The following LRP1B variants were observed in gnomAD, a reference collection of about 807,000 sequenced individuals.
The protein encoded by LRP1B is LDL receptor related protein 1B, also known as low-density lipoprotein receptor-related protein 1B.
Under a neutral mutation model 556.6 loss-of-function variants are expected in LRP1B, and 217 were observed. The observed-to-expected ratio is 0.39, with a 90% confidence interval of 0.35 to 0.44. The LOEUF is 0.44. Among genes scored for constraint, LRP1B ranks in the 20% least tolerant of loss-of-function variants. The probability of loss-of-function intolerance (pLI) is 1.00; values close to 1 mark genes in which losing one functional copy is unlikely to be tolerated. For synonymous variants in LRP1B, 2,047 were observed against 1,865.8 expected, an observed-to-expected ratio of 1.10 and a Z score of -2.50; for missense variants, 5,053 against 5,620.8, an observed-to-expected ratio of 0.90 and a Z score of 3.23.
intron 1 of LRP1B, among the ~76,000 whole-genome samples, chr2:142,005,461 T>A (rs1702772510): frequency 6.6e-6 from 1 of 152,180 alleles, no homozygotes; most frequent in Non-Finnish European, 1.5e-5. Flanking sequence ...TCTACTTTTA[T>A]TGGCAGTATA....
chr2:142,082,650 T>C (rs558777636), intron 1 of LRP1B, among the ~76,000 whole-genome samples: 2 of 152,334 alleles, frequency 1.3e-5, no homozygotes, highest in South Asian at 2.1e-4. Context: ...GCATCAGGCC[T>C]GTGACACCAG....
chr2:142,126,834 G>A (rs541586396), intron 1 of LRP1B, among the ~76,000 whole-genome samples: 120 of 151,830 alleles, frequency 7.9e-4, no homozygotes, highest in Non-Finnish European at 1.3e-3. Context: ...CATAATCCTT[G>A]TAGAAGACCA....
chr2:140,926,648 C>T (rs1040627978), intron 20 of LRP1B, among the ~76,000 whole-genome samples: 2 of 152,066 alleles, frequency 1.3e-5, no homozygotes, highest in African/African-American at 4.8e-5. Flanking sequence ...CAGCTAATGT[C>T]CATGATTTTT....
At chr2:140,450,466 AAAAG>A in intron 63 of LRP1B, 98 bp downstream of exon 63, 1 of 878,956 alleles carries the variant, frequency 1.1e-6, no homozygotes, top group Non-Finnish European at 1.8e-6. Flanking sequence ...TCAATTTTGG[AAAAG>A]TGTCAGAAGG....
intron 20 of LRP1B, among the ~76,000 whole-genome samples, chr2:140,944,597 T>C (rs1321775972): frequency 1.3e-5 from 2 of 152,126 alleles, no homozygotes; most frequent in Admixed American, 1.3e-4. Context: ...GGGATGCAAG[T>C]TTGGTTCAAC....
At chr2:140,507,017 T>A (rs2104908374) in intron 52 of LRP1B, 99 bp from the exon 53 acceptor site, 2 of 1,250,998 alleles carry the variant, frequency 1.6e-6, no homozygotes, top group Non-Finnish European at 2.2e-6. Context: ...ATCCAATAAT[T>A]CATAGTTACT....
intron 89 of LRP1B, among the ~76,000 whole-genome samples, chr2:140,236,950 T>G (rs556425670): frequency 6.6e-6 from 1 of 151,076 alleles, no homozygotes; most frequent in African/African-American, 2.4e-5. Flanking sequence ...TTTTTATACA[T>G]GTATACATTG....
chr2:140,789,486 G>A (rs16844697), intron 32 of LRP1B, among the ~76,000 whole-genome samples: 2,196 of 152,164 alleles, frequency 0.014, 56 homozygotes, highest in African/African-American at 0.05. Flanking sequence ...TGAAAGTGAA[G>A]TACTAAGGTT....
Position 141,519,980 on chromosome 2 carries a change from A to G in LRP1B, c.206-39447T>C, listed in dbSNP as rs1684474729. ...AAGAATAAGTAAAATATAAGTGTAT[A>G]ATAGTTGTGTTATGCTGAAACAGAA... is the stretch of plus-strand genomic sequence containing the variant. On this transcript the variant is annotated intron_variant, in intron 2 of 90. Transcript: ENST00000389484. 2.0e-5 allele frequency among the ~76,000 whole-genome samples: 3 copies of G among 152,256 alleles called. No homozygotes were observed. In the South Asian group the frequency reaches 6.2e-4, roughly 32 times the overall value.
chr2:140,683,994 C>T, intron 41 of LRP1B: 2 of 261,294 alleles, frequency 7.7e-6, no homozygotes, highest in East Asian at 8.6e-5. Context: ...TTGCACCAAC[C>T]GAATACATAC....
intron 2 of LRP1B, among the ~76,000 whole-genome samples, chr2:141,557,768 T>A (rs1686013373): frequency 6.6e-6 from 1 of 151,868 alleles, no homozygotes; most frequent in South Asian, 2.1e-4. Context: ...GTATAACACA[T>A]TTTTATTTTG....
Position 142,098,360 on chromosome 2 carries a change from T to C in LRP1B, c.82+32288A>G, listed in dbSNP as rs79825123. On this transcript the variant is annotated intron_variant, in intron 1 of 90. Coordinates refer to ENST00000389484, the MANE Select transcript of LRP1B (RefSeq NM_018557.3). ...AATATTCAAAAATGTTTACAATACT[T>C]CAAAGTGTAATGTTGCATTAAAAAT... is the stretch of plus-strand genomic sequence containing the variant. Among the ~76,000 whole-genome samples the C allele has an allele frequency of 2.4e-3, 363 of 151,954 alleles. 15 individuals carry two copies. In the East Asian group the frequency reaches 0.064, roughly 27 times the overall value.
chr2:140,442,043 T>C (rs1686450451), intron 66 of LRP1B, among the ~76,000 whole-genome samples: 2 of 152,328 alleles, frequency 1.3e-5, no homozygotes, highest in South Asian at 4.1e-4. Context: ...CATCTACTAA[T>C]ATGGAACAGA....
intron 6 of LRP1B, among the ~76,000 whole-genome samples, chr2:141,188,945 G>C (rs919676656): frequency 7.9e-5 from 12 of 151,938 alleles, no homozygotes; most frequent in African/African-American, 2.9e-4. Context: ...GCTAAACTCT[G>C]TAGTAGTGAG....
At chr2:141,547,678 C>A (rs996275814) in intron 2 of LRP1B, among the ~76,000 whole-genome samples, 2 of 152,154 alleles carry the variant, frequency 1.3e-5, no homozygotes, top group African/African-American at 4.8e-5. Flanking sequence ...GTGCAGCAGG[C>A]ATGCTTTTTC....
intron 41 of LRP1B, among the ~76,000 whole-genome samples, chr2:140,609,143 C>T (rs947990467): frequency 3.3e-5 from 5 of 152,128 alleles, no homozygotes; most frequent in Non-Finnish European, 5.9e-5. Flanking sequence ...ATGAACTCCG[C>T]GGTGCCTGAA....
At chr2:141,339,776 T>C (rs1687987728) in intron 3 of LRP1B, among the ~76,000 whole-genome samples, 1 of 27,268 alleles carries the variant, frequency 3.7e-5, no homozygotes, top group Admixed American at 2.1e-4. Context: ...CTTTTATTTA[T>C]TTATTTATTT....
At chr2:140,696,074 G>C (rs1389383512) in intron 41 of LRP1B, among the ~76,000 whole-genome samples, 1 of 152,020 alleles carries the variant, frequency 6.6e-6, no homozygotes, top group Non-Finnish European at 1.5e-5. Context: ...CTTAAAACAT[G>C]AATACTTAAA....
At chr2:141,380,360 C>T (rs920442621) in intron 3 of LRP1B, among the ~76,000 whole-genome samples, 5 of 152,170 alleles carry the variant, frequency 3.3e-5, no homozygotes, top group Admixed American at 6.5e-5. Flanking sequence ...ATGGACCAGA[C>T]AGTCGCTACC....
Sources: gnomAD v4.1 joint callset for allele counts (sites outside exome capture counted in the v4.1 genomes callset) on GRCh38, gnomAD v4.1.1 for gene constraint, MANE v1.5 for transcripts, NCBI Gene and HGNC (gene_info 2026-07-23, HGNC 2026-07-21) for gene names.